Variants in NBPF6 observed in about 807,000 individuals in gnomAD.
The protein encoded by NBPF6 is NBPF member 6.
Under a neutral mutation model 20.8 loss-of-function variants are expected in NBPF6, and 2 were observed. The ratio of observed to expected loss-of-function variants is 0.10; its 90% confidence interval spans 0.04 to 0.30. The LOEUF (loss-of-function observed/expected upper bound fraction) is 0.30, where lower values mean the gene tolerates loss of function less well. Among genes scored for constraint, NBPF6 ranks in the 10% least tolerant of loss-of-function variants. The pLI, the probability that NBPF6 is intolerant of heterozygous loss-of-function variation, is 1.00. For missense variants in NBPF6, 85 were observed against 260.3 expected, an observed-to-expected ratio of 0.33 and a Z score of 4.63; for synonymous variants, 24 against 100.0, an observed-to-expected ratio of 0.24 and a Z score of 4.53.
chr1:108,449,416 CTATATATATATATATATATATA>C (rs1165819915), upstream of NBPF6, among the ~76,000 whole-genome samples: 147 of 8,798 alleles, frequency 0.017, no homozygotes, highest in African/African-American at 0.019. Context: ...GTTAGAACAA[CTATATATATATATATATATATA>C]TATATATATA....
chr1:108,426,446 T>TAAATAAACAAATAAAC, the NBPF6 span, among the ~76,000 whole-genome samples: 1 of 88,148 alleles, frequency 1.1e-5, no homozygotes, highest in Non-Finnish European at 2.6e-5. Context: ...AATAAATAAA[T>TAAATAAACAAATAAAC]AAACAAACAA....
chr1:108,465,158 T>G, intron 12 of NBPF6, 30 bp from the exon 13 acceptor site: 2 of 659,808 alleles, frequency 3.0e-6, no homozygotes, highest in Non-Finnish European at 5.0e-6. Context: ...AAACTGAGAT[T>G]GTTCCTACTG....
At chr1:108,449,424 A>G (rs79558880), upstream of NBPF6, among the ~76,000 whole-genome samples, 806 of 9,520 alleles carry the variant, frequency 0.085, 216 homozygotes, top group East Asian at 1. Flanking sequence ...AACTATATAT[A>G]TATATATATA....
rs1281173984 is a variant in NBPF6 at position 108,471,700 on chromosome 1, C to G, written c.*1062C>G. On this transcript the variant is annotated 3_prime_UTR_variant, in exon 15 of 15. Transcript: ENST00000495380. ...GCTGGCATTCTGTCGTAAAAAGGAA[C>G]ATTCCCTGCCCAAAGTTTGACTTTC... Among the ~76,000 whole-genome samples, 1 of 152,152 alleles carries G rather than the reference C, an allele frequency of 6.6e-6. No individual in the cohort carries two copies. Among genetic ancestry groups the G allele is most frequent in the African/African-American group, 2.4e-5 (1 of 41,432 alleles).
intron 14 of NBPF6, among the ~76,000 whole-genome samples, chr1:108,468,174 C>G (rs1653252624): frequency 6.6e-6 from 1 of 151,476 alleles, no homozygotes; most frequent in African/African-American, 2.4e-5. Flanking sequence ...AGTGTTAAAA[C>G]TAAGCACTAA....
chr1:108,469,881 T>C lies in NBPF6; in HGVS notation c.1876-716T>C, dbSNP rs998748314. Among the ~76,000 whole-genome samples, 12 of 148,248 alleles carry C rather than the reference T, an allele frequency of 8.1e-5. 1 individual carries two copies. Among genetic ancestry groups the C allele is most frequent in the Admixed American group, 1.3e-4 (2 of 14,894 alleles). ...ACAGCAGCACCATCATATTTATCTG[T>C]AAAACCTTATTCCTGTCCTAGCCAA... On this transcript the variant is annotated intron_variant, in intron 14 of 14. Coordinates refer to ENST00000495380, the MANE Select transcript of NBPF6 (RefSeq NM_001143988.2).
rs1029499737 is a variant in NBPF6 at position 108,471,595 on chromosome 1, C to A, written c.*957C>A. Among the ~76,000 whole-genome samples, 1 of 152,192 alleles carries A rather than the reference C, an allele frequency of 6.6e-6. No homozygotes were observed. Among genetic ancestry groups the A allele is most frequent in the African/African-American group, 2.4e-5 (1 of 41,434 alleles). Reference sequence around the variant, plus strand: ...TGAGTATTTTATCATCAATTAATCACCCCTGCCTGTGTCAGTTATTATATT... The same window carrying A: ...TGAGTATTTTATCATCAATTAATCAACCCTGCCTGTGTCAGTTATTATATT... On this transcript the variant is annotated 3_prime_UTR_variant, in exon 15 of 15. Coordinates refer to ENST00000495380, the MANE Select transcript of NBPF6 (RefSeq NM_001143988.2).
rs548531485 is a variant in NBPF6 at position 108,465,259 on chromosome 1, A to G, written c.1495A>G (p.Ile499Val). The stretch of plus-strand genomic sequence containing the variant: ...GAGCCACCACCGGTCAGAGGTTCAA[A>G]TTTCACAGGCACAGCTGGAACCAAG... ...DLSHHRSEVQ[I>V]SQAQLEPSTL... Residue 499 changes from isoleucine (I) to valine (V), a missense_variant, in exon 13 of 15, where the codon ATT becomes GTT. Ile to Val is a conservative substitution (Grantham distance 29). Around this residue, in one of 5 missense-constraint regions of NBPF6, gnomAD observed 43 missense variants for 97.3 expected, o/e 0.44. Coordinates refer to ENST00000495380, the MANE Select transcript of NBPF6 (RefSeq NM_001143988.2). The G allele has an allele frequency of 8.3e-5, 99 of 1,195,314 alleles. 33 individuals carry two copies. In the East Asian group the frequency reaches 1.0e-3, roughly 12 times the overall value. The allele number at this position is 1,195,314 out of a possible 1,614,324, so 74.0% of individuals were successfully genotyped here. A position where few individuals can be genotyped will look rare whatever the true frequency, so the allele number is the denominator to read the frequency against.
upstream of NBPF6, among the ~76,000 whole-genome samples, chr1:108,448,136 AG>A (rs1652679567): frequency 6.9e-6 from 1 of 144,390 alleles, no homozygotes; most frequent in Non-Finnish European, 1.5e-5. Context: ...TTCATGTGGA[AG>A]TGAAGGAAGA....
Position 108,465,307 on chromosome 1 carries a change from C to T in NBPF6, c.1543C>T (p.Arg515Ter), listed in dbSNP as rs201429823. Residue 515 changes from arginine (R) to a stop codon, truncating the protein, a stop_gained, in exon 13 of 15, where the codon CGA (arginine) becomes TGA (stop). Transcript: ENST00000495380. LOFTEE classifies it high-confidence loss of function. ...AAGCACCCTGGTGCCCAGTTGTCTG[C>T]GACTACAGCTGGATCAAGGGTTCCA... is the stretch of plus-strand genomic sequence containing the variant. ...EPSTLVPSCLRLQLDQGFHCG... is the reference protein window; with the variant it reads ...EPSTLVPSCL The T allele has an allele frequency of 1.1e-4, 125 of 1,181,002 alleles. 38 individuals carry two copies. Among genetic ancestry groups the T allele is most frequent in the African/African-American group, 2.1e-4 (10 of 48,212 alleles). 73.2% of individuals were successfully genotyped at this position (1,181,002 alleles called of 1,614,324 possible). A position where few individuals can be genotyped will look rare whatever the true frequency, so the allele number is the denominator to read the frequency against.
chr1:108,448,450 C>T (rs553156791), upstream of NBPF6, among the ~76,000 whole-genome samples: 662 of 146,898 alleles, frequency 4.5e-3, no homozygotes, highest in African/African-American at 0.016. Context: ...AGGTTATTTC[C>T]CACACTGTTA....
At chr1:108,441,650 C>T in the NBPF6 span, among the ~76,000 whole-genome samples, 1 of 67,222 alleles carries the variant, frequency 1.5e-5, no homozygotes, top group African/African-American at 6.4e-5. Context: ...TGTGAAAATG[C>T]ATACAACAGC....
At position 108,471,639 on chromosome 1, in the gene NBPF6, A is replaced by G. The variant is rs1373724911; in HGVS notation, c.*1001A>G. Among the ~76,000 whole-genome samples the G allele has an allele frequency of 1.3e-5, 2 of 152,186 alleles. No individual in the cohort carries two copies. Among genetic ancestry groups the G allele is most frequent in the Admixed American group, 1.3e-4 (2 of 15,276 alleles). ...TTATATTTATGTTTTTACATTGGAA[A>G]TTGTCTTCTCAAAATTTTACTATGT... On this transcript the variant is annotated 3_prime_UTR_variant, in exon 15 of 15. Coordinates refer to ENST00000495380, the MANE Select transcript of NBPF6 (RefSeq NM_001143988.2).
At chr1:108,449,415 ACTATATATATATATAT>A (rs1389168696), upstream of NBPF6, among the ~76,000 whole-genome samples, 3 of 9,602 alleles carry the variant, frequency 3.1e-4, no homozygotes, top group African/African-American at 4.5e-4. Context: ...TGTTAGAACA[ACTATATATATATATAT>A]ATATATATAT....
intron 3 of NBPF6, among the ~76,000 whole-genome samples, chr1:108,452,654 T>TTCATTTG (rs1652901811): frequency 1.5e-5 from 1 of 68,086 alleles, no homozygotes; most frequent in East Asian, 4.2e-4. Context: ...GACTGTGGCG[T>TTCATTTG]TTCATTTGTT....
chr1:108,459,539 G>A (rs1487121244), intron 9 of NBPF6, among the ~76,000 whole-genome samples: 20 of 146,002 alleles, frequency 1.4e-4, no homozygotes, highest in African/African-American at 2.5e-4. Context: ...TCGGGGATAC[G>A]ATTATGCCTC....
At chr1:108,448,015 A>G (rs1407946645), upstream of NBPF6, among the ~76,000 whole-genome samples, 1 of 146,222 alleles carries the variant, frequency 6.8e-6, no homozygotes, top group Non-Finnish European at 1.5e-5. Context: ...TTCATTTTAA[A>G]TAGAGCTAAG....
chr1:108,437,796 GAGGGGAGGGGAGGAGAGGGAGGGC>G, the NBPF6 span, among the ~76,000 whole-genome samples: 1 of 33,036 alleles, frequency 3.0e-5, no homozygotes, highest in African/African-American at 7.7e-5. Flanking sequence ...GAGAGGGAGG[GAGGGGAGGGGAGGAGAGGGAGGGC>G]AGGGGAGGGG....
At chr1:108,428,055 G>A in the NBPF6 span, among the ~76,000 whole-genome samples, 1 of 93,960 alleles carries the variant, frequency 1.1e-5, no homozygotes, top group East Asian at 2.6e-4. Flanking sequence ...TGGTCAACAA[G>A]GTAAAAAATC....
Sources: gnomAD v4.1 joint callset for allele counts (sites outside exome capture counted in the v4.1 genomes callset) on GRCh38, gnomAD v4.1.1 for gene constraint, gnomAD v4.1.1 regional missense constraint, MANE v1.5 for transcripts, NCBI Gene and HGNC (gene_info 2026-07-23, HGNC 2026-07-21) for gene names.